The following EPS15 variants were observed in gnomAD, a reference collection of about 807,000 sequenced individuals.
EPS15 encodes epidermal growth factor receptor substrate 15.
EPS15 carries 72 observed loss-of-function variants against 113.8 expected under a neutral mutation model. The ratio of observed to expected loss-of-function variants is 0.63; its 90% CI spans 0.52 to 0.77. The LOEUF (loss-of-function observed/expected upper bound fraction) is 0.77. Ranked by LOEUF, EPS15 falls within the 30% of genes least tolerant of loss-of-function variation. The pLI is 0.00. For synonymous variants in EPS15, 344 were observed against 363.4 expected, an observed-to-expected ratio of 0.95 and a Z score of 0.61; for missense variants, 1,048 against 1,045.8, an observed-to-expected ratio of 1.00 and a Z score of -0.03.
chr1:51,508,370 A>AAGAAAGAAAG (rs1644559184), intron 1 of EPS15, among the ~76,000 whole-genome samples: 1 of 144,112 alleles, frequency 6.9e-6, no homozygotes, highest in Non-Finnish European at 1.6e-5. Flanking sequence ...GAAAGAAAGA[A>AAGAAAGAAAG]AGAAAGAAAG....
chr1:51,473,620 GA>G (rs974748769), intron 2 of EPS15, among the ~76,000 whole-genome samples: 1 of 150,918 alleles, frequency 6.6e-6, no homozygotes, highest in African/African-American at 2.4e-5. Flanking sequence ...ACAAAAACAG[GA>G]AAAAAAAGAC....
At chr1:51,475,345 T>A (rs1246880493) in intron 2 of EPS15, among the ~76,000 whole-genome samples, 1 of 152,096 alleles carries the variant, frequency 6.6e-6, no homozygotes, top group Non-Finnish European at 1.5e-5. Context: ...TAACATCTGT[T>A]TCCTGACTTT....
At chr1:51,389,506 T>A (rs964776019) in intron 21 of EPS15, among the ~76,000 whole-genome samples, 1 of 152,162 alleles carries the variant, frequency 6.6e-6, no homozygotes, top group African/African-American at 2.4e-5. Context: ...GGGTATTCAA[T>A]TAGGAAAAGA....
At chr1:51,463,569 A>G in intron 7 of EPS15, 104 bp downstream of exon 7, 1 of 597,822 alleles carries the variant, frequency 1.7e-6, no homozygotes. Context: ...CAACTTTAAA[A>G]TAAGATTTGT....
At chr1:51,438,751 C>A (rs1652354547) in intron 12 of EPS15, among the ~76,000 whole-genome samples, 1 of 151,980 alleles carries the variant, frequency 6.6e-6, no homozygotes, top group Non-Finnish European at 1.5e-5. Context: ...GCAACAAAGT[C>A]AAAAATTTAA....
intron 11 of EPS15, among the ~76,000 whole-genome samples, chr1:51,443,613 A>G (rs1652770543): frequency 6.8e-6 from 1 of 146,680 alleles, no homozygotes; most frequent in Admixed American, 7.0e-5. Context: ...AATTCCATTT[A>G]GCTTACCAAA....
At chr1:51,392,294 C>T (rs979251149) in intron 21 of EPS15, among the ~76,000 whole-genome samples, 3 of 152,196 alleles carry the variant, frequency 2.0e-5, no homozygotes, top group African/African-American at 7.2e-5. Context: ...AATAATCTAA[C>T]GTAGTTGTTG....
intron 12 of EPS15, among the ~76,000 whole-genome samples, chr1:51,438,111 A>G (rs1652303280): frequency 6.6e-6 from 1 of 152,208 alleles, no homozygotes; most frequent in South Asian, 2.1e-4. Context: ...GAGTCTGACT[A>G]TGACACTAAT....
At chr1:51,458,795 A>T (rs918848758) in intron 8 of EPS15, 5 of 212,508 alleles carry the variant, frequency 2.4e-5, no homozygotes. Flanking sequence ...CGTACCATGC[A>T]AAGATTTTGC....
At chr1:51,391,946 G>A (rs1326468387) in intron 21 of EPS15, among the ~76,000 whole-genome samples, 1 of 152,046 alleles carries the variant, frequency 6.6e-6, no homozygotes, top group African/African-American at 2.4e-5. Flanking sequence ...ATAAATAGCT[G>A]GAAAAATGAG....
At chr1:51,447,471 AG>A (rs1653158240) in intron 9 of EPS15, among the ~76,000 whole-genome samples, 1 of 152,172 alleles carries the variant, frequency 6.6e-6, no homozygotes, top group African/African-American at 2.4e-5. Context: ...AGTTTGACCC[AG>A]CAGTGTTAAC....
chr1:51,389,427 C>G (rs553208131), intron 21 of EPS15, among the ~76,000 whole-genome samples: 1 of 152,352 alleles, frequency 6.6e-6, no homozygotes, highest in East Asian at 1.9e-4. Context: ...GATGCCCTCT[C>G]TCACCACTCC....
intron 1 of EPS15, among the ~76,000 whole-genome samples, chr1:51,502,397 T>C (rs1028617423): frequency 6.6e-5 from 10 of 152,200 alleles, no homozygotes; most frequent in African/African-American, 2.2e-4. Flanking sequence ...CTAGGCACTT[T>C]TGAGGTATTG....
Position 51,355,304 on chromosome 1 carries a change from A to G in EPS15, c.*1396T>C. 1 of 217,746 alleles carries G rather than the reference A, an allele frequency of 4.6e-6. No homozygotes were observed. Among genetic ancestry groups the G allele is most frequent in the Non-Finnish European group, 9.2e-6 (1 of 108,380 alleles). 13.5% of individuals were successfully genotyped at this position (217,746 alleles called of 1,614,324 possible). On this transcript the variant is annotated 3_prime_UTR_variant, in exon 25 of 25. Transcript: ENST00000371733. The stretch of plus-strand genomic sequence containing the variant: ...GTTACTCAGATTAACACAGATCAAT[A>G]CCACCTTGACTTGTTGACCCAGAGA...
Position 51,355,113 on chromosome 1 carries a change from T to C in EPS15, c.*1587A>G, listed in dbSNP as rs1224187049. ...TATGTATGACTTTTATGCAGAAATG[T>C]TTCTATTTACAAAGGTAGAAAAAAG... On this transcript the variant is annotated 3_prime_UTR_variant, in exon 25 of 25. Coordinates refer to ENST00000371733, the MANE Select transcript of EPS15 (RefSeq NM_001981.3). 1 of 220,252 alleles carries C rather than the reference T, an allele frequency of 4.5e-6. No homozygotes were observed. 13.6% of individuals were successfully genotyped at this position (220,252 alleles called of 1,614,324 possible).
intron 1 of EPS15, chr1:51,490,378 T>A (rs60294217): frequency 0.024 from 8,992 of 379,334 alleles, 141 homozygotes; most frequent in African/African-American, 0.049. Flanking sequence ...AGCCTGACCA[T>A]CATGGTGAAA....
intron 1 of EPS15, among the ~76,000 whole-genome samples, chr1:51,484,161 T>C (rs1644076767): frequency 6.6e-6 from 1 of 152,166 alleles, no homozygotes; most frequent in African/African-American, 2.4e-5. Flanking sequence ...CAGCTCTGTG[T>C]TGCTTCCCAT....
intron 13 of EPS15, among the ~76,000 whole-genome samples, chr1:51,412,316 GTAT>G (rs1649801283): frequency 1.3e-5 from 2 of 152,134 alleles, no homozygotes; most frequent in Non-Finnish European, 2.9e-5. Context: ...CATGGCACAT[GTAT>G]ACCTATGTAA....
intron 1 of EPS15, among the ~76,000 whole-genome samples, chr1:51,493,446 A>G (rs1644273040): frequency 6.6e-6 from 1 of 150,604 alleles, no homozygotes; most frequent in African/African-American, 2.4e-5. Context: ...AATGGCATGA[A>G]CTCAGGAGGC....
Sources: allele counts gnomAD v4.1 joint callset (sites outside exome capture counted in the v4.1 genomes callset), GRCh38; gene constraint gnomAD v4.1.1; transcripts MANE v1.5; gene names NCBI Gene and HGNC (gene_info 2026-07-23, HGNC 2026-07-21).